Variants in G2E3 observed in about 807,000 individuals in gnomAD.
G2E3 encodes G2/M-phase specific E3 ubiquitin protein ligase.
G2E3 carries 35 observed loss-of-function variants against 92.8 expected under a neutral mutation model. The observed-to-expected ratio is 0.38, with a 90% CI of 0.29 to 0.50. The LOEUF is 0.50. Ranked by LOEUF, G2E3 falls within the 20% of genes least tolerant of loss-of-function variation. The pLI is 0.94. For synonymous variants in G2E3, 242 were observed against 272.4 expected, an observed-to-expected ratio of 0.89 and a Z score of 1.10; for missense variants, 554 against 823.8, an observed-to-expected ratio of 0.67 and a Z score of 4.01.
rs1002576060 is a variant in G2E3, at chr14:30,582,457, C to A, written c.37+1341C>A. Among the ~76,000 whole-genome samples, 6 of 152,280 alleles carry A rather than the reference C, an allele frequency of 3.9e-5. No homozygotes were observed. In the East Asian group the frequency reaches 1.2e-3, roughly 29 times the overall value. ...AGAGGGAGACAAGGGGAGAGAGGAA[C>A]AAATGGAAAACCACAGGTCCACAGC... On this transcript the variant is annotated intron_variant, in intron 2 of 14. Transcript: ENST00000206595.
chr14:30,605,570 A>T lies in G2E3; in HGVS notation c.1076A>T (p.Lys359Ile). ...ATAGAGTTAGGATTCCAAATTAAAA[A>T]AAAAACTAAAAGATTGTATATCAAC... is the stretch of plus-strand genomic sequence containing the variant. ...LLIELGFQIK[K>I]KTKRLYINKA... The change falls in exon 11 of 15, where the codon AAA becomes ATA. Residue 359 changes from lysine (K) to isoleucine (I), a missense_variant. Physicochemically the swap from Lys to Ile is moderately radical, Grantham distance 102. Around this residue, in one of 3 missense-constraint regions of G2E3, gnomAD observed 397 missense variants for 560.3 expected, o/e 0.71. Transcript: ENST00000206595. 2.0e-6 allele frequency: 3 copies of T among 1,512,550 alleles called. No individual in the cohort carries two copies. The highest frequency in any genetic ancestry group is 2.7e-6 in the Non-Finnish European group (3 of 1,103,898). 93.7% of individuals were successfully genotyped at this position (1,512,550 alleles called of 1,614,324 possible). A position where few individuals can be genotyped will look rare whatever the true frequency, so the allele number is the denominator to read the frequency against.
intron 6 of G2E3, among the ~76,000 whole-genome samples, chr14:30,594,411 C>T (rs144014855): frequency 0.014 from 2,188 of 152,060 alleles, 36 homozygotes; most frequent in Non-Finnish European, 0.017. Context: ...AGATGTAGGC[C>T]GGGTGTGGTG....
chr14:30,614,650 C>G (rs1419884680), intron 13 of G2E3, among the ~76,000 whole-genome samples: 1 of 152,206 alleles, frequency 6.6e-6, no homozygotes, highest in Non-Finnish European at 1.5e-5. Flanking sequence ...TCCTGGCACT[C>G]TAAAACTCAC....
chr14:30,600,760 T>C (rs1881529757), intron 8 of G2E3, among the ~76,000 whole-genome samples: 1 of 152,172 alleles, frequency 6.6e-6, no homozygotes, highest in Non-Finnish European at 1.5e-5. Context: ...CTTAAGAGCA[T>C]GTCTGAAGCT....
chr14:30,609,402 G>A (rs1881984849), intron 12 of G2E3, among the ~76,000 whole-genome samples: 1 of 152,078 alleles, frequency 6.6e-6, no homozygotes, highest in South Asian at 2.1e-4. Context: ...TTTTTCATCT[G>A]CTGTGACTTC....
At chr14:30,580,969 G>A in intron 1 of G2E3, 107 bp from the exon 2 acceptor site, 2 of 692,742 alleles carry the variant, frequency 2.9e-6, no homozygotes, top group Non-Finnish European at 5.2e-6. Context: ...TTAAATACTA[G>A]AGTATTAGAT....
chr14:30,594,486 A>C (rs927795013), intron 6 of G2E3, among the ~76,000 whole-genome samples: 1 of 150,536 alleles, frequency 6.6e-6, no homozygotes, highest in African/African-American at 2.4e-5. Flanking sequence ...TCAGGAGATC[A>C]AGACCATCCT....
intron 2 of G2E3, among the ~76,000 whole-genome samples, chr14:30,584,024 T>C (rs1468179003): frequency 6.6e-6 from 1 of 152,214 alleles, no homozygotes; most frequent in Non-Finnish European, 1.5e-5. Context: ...CCCCTCATTT[T>C]CCGTGTCCCC....
intron 1 of G2E3, among the ~76,000 whole-genome samples, chr14:30,578,460 C>G (rs1211490455): frequency 6.6e-6 from 1 of 152,128 alleles, no homozygotes; most frequent in African/African-American, 2.4e-5. Context: ...AGTTTATTGA[C>G]CCACGCCAGT....
chr14:30,580,417 GC>G (rs1380925721), intron 1 of G2E3, among the ~76,000 whole-genome samples: 4 of 152,016 alleles, frequency 2.6e-5, no homozygotes, highest in African/African-American at 9.7e-5. Flanking sequence ...TGTTAGCCAG[GC>G]TGGTCTCGAA....
intron 11 of G2E3, among the ~76,000 whole-genome samples, chr14:30,606,291 T>G (rs1409703301): frequency 6.6e-6 from 1 of 152,030 alleles, no homozygotes; most frequent in Non-Finnish European, 1.5e-5. Context: ...TCACTATTGG[T>G]GAGAACTTAA....
chr14:30,600,718 G>A (rs551867115), intron 8 of G2E3, among the ~76,000 whole-genome samples: 1 of 152,266 alleles, frequency 6.6e-6, no homozygotes, highest in Non-Finnish European at 1.5e-5. Flanking sequence ...GTGAGAAGAA[G>A]GCAGTTTTAG....
chr14:30,583,834 A>G (rs1382255659), intron 2 of G2E3, among the ~76,000 whole-genome samples: 1 of 152,164 alleles, frequency 6.6e-6, no homozygotes, highest in East Asian at 1.9e-4. Context: ...TTCAAGTTGT[A>G]TTTTTGTGTG....
In G2E3 at chr14:30,615,332, A is replaced by T; in HGVS notation, c.1674-17A>T. 7.0e-7 allele frequency: 1 copy of T among 1,430,864 alleles called. No homozygotes were observed. Among genetic ancestry groups the T allele is most frequent in the South Asian group, 1.3e-5 (1 of 77,118 alleles). The allele number at this position is 1,430,864 out of a possible 1,614,324, so 88.6% of individuals were successfully genotyped here. A position where few individuals can be genotyped will look rare whatever the true frequency, so the allele number is the denominator to read the frequency against. ...ACACATGTATGAATGTTGGCTCATT[A>T]TTTTTCTTCTCTTAAGTTTTAAGCA... On this transcript the variant is annotated splice_polypyrimidine_tract_variant and intron_variant, in intron 13 of 14. Transcript: ENST00000206595.
At position 30,605,706 on chromosome 14, in the gene G2E3, G is replaced by A. The variant is rs151294449; in HGVS notation, c.1212G>A (p.Glu404=). 3.1e-6 allele frequency: 5 copies of A among 1,607,034 alleles called. No homozygotes were observed. Among genetic ancestry groups the A allele is most frequent in the African/African-American group, 1.3e-5 (1 of 74,730 alleles). ...TTGAAAATGATAATTTTGGAAGTGA[G>A]CATCCTGGATCAAAGCAAGAATTTC... The part of the protein sequence containing the change: ...YVIENDNFGS[E]HPGSKQEFLS... Residue 404 remains glutamate (E), a synonymous_variant, in exon 11 of 15, where the codon GAG becomes GAA. Transcript: ENST00000206595.
At chr14:30,573,285 A>G (rs1470316518) in intron 1 of G2E3, among the ~76,000 whole-genome samples, 1 of 152,102 alleles carries the variant, frequency 6.6e-6, no homozygotes, top group Non-Finnish European at 1.5e-5. Flanking sequence ...TAACTAACAA[A>G]TCTTTAAGAG....
chr14:30,604,903 C>G (rs1173417879), intron 10 of G2E3, among the ~76,000 whole-genome samples: 1 of 146,766 alleles, frequency 6.8e-6, no homozygotes, highest in Non-Finnish European at 1.5e-5. Flanking sequence ...TTCATTCATT[C>G]ATTCATTTAT....
chr14:30,618,190 T>C lies in G2E3; in HGVS notation c.*1656T>C, dbSNP rs1300964133. 1.3e-5 allele frequency: 2 copies of C among 152,120 alleles called. No homozygotes were observed. The highest frequency in any genetic ancestry group is 2.9e-5 in the Non-Finnish European group (2 of 67,952). 9.4% of individuals were successfully genotyped at this position (152,120 alleles called of 1,614,324 possible). A position where few individuals can be genotyped will look rare whatever the true frequency, so the allele number is the denominator to read the frequency against. On this transcript the variant is annotated 3_prime_UTR_variant, in exon 15 of 15. Transcript: ENST00000206595. ...ACATACCTAGCAAATTTGTTTTACT[T>C]TAACTTGAAATATTTAAGAACATTA...
At chr14:30,599,352 C>T (rs139240788) in intron 8 of G2E3, among the ~76,000 whole-genome samples, 5,302 of 152,176 alleles carry the variant, frequency 0.035, 124 homozygotes, top group Middle Eastern at 0.061. Flanking sequence ...CTCAGCCTCC[C>T]GAGTAGTTGG....
Sources: gnomAD v4.1 joint callset for allele counts (sites outside exome capture counted in the v4.1 genomes callset) on GRCh38, gnomAD v4.1.1 for gene constraint, gnomAD v4.1.1 regional missense constraint, MANE v1.5 for transcripts, NCBI Gene and HGNC (gene_info 2026-07-23, HGNC 2026-07-21) for gene names.